The following SCUBE1 variants were observed in gnomAD, a reference collection of about 807,000 sequenced individuals.
SCUBE1 encodes signal peptide, CUB and EGF-like domain-containing protein 1.
Under a neutral mutation model 124.4 loss-of-function variants are expected in SCUBE1, and 59 were observed. The ratio of observed to expected loss-of-function variants is 0.47; its 90% CI spans 0.38 to 0.59. The LOEUF (loss-of-function observed/expected upper bound fraction) is 0.59, where lower values mean the gene tolerates loss of function less well. Ranked by LOEUF, SCUBE1 falls within the 20% of genes least tolerant of loss-of-function variation. The pLI is 0.00. For synonymous variants in SCUBE1, 545 were observed against 550.9 expected, an observed-to-expected ratio of 0.99 and a Z score of 0.15; for missense variants, 1,150 against 1,371.2, an observed-to-expected ratio of 0.84 and a Z score of 2.55.
At chr22:43,291,755 C>T (rs369120681) in intron 3 of SCUBE1, among the ~76,000 whole-genome samples, 17 of 152,332 alleles carry the variant, frequency 1.1e-4, no homozygotes, top group African/African-American at 4.1e-4. Flanking sequence ...TCCAACTCAA[C>T]AGTGCTGTCT....
At chr22:43,338,405 T>A (rs73426203) in intron 2 of SCUBE1, among the ~76,000 whole-genome samples, 8,929 of 152,266 alleles carry the variant, frequency 0.059, 755 homozygotes, top group African/African-American at 0.19. Flanking sequence ...GTTTTGAACT[T>A]GACGTTAGGG....
chr22:43,308,211 A>G (rs1304348117), intron 3 of SCUBE1, among the ~76,000 whole-genome samples: 2 of 152,222 alleles, frequency 1.3e-5, no homozygotes, highest in Non-Finnish European at 2.9e-5. Context: ...AATTTCTTTC[A>G]GATTAACAGC....
intron 3 of SCUBE1, among the ~76,000 whole-genome samples, chr22:43,309,873 T>C (rs1926109003): frequency 6.6e-6 from 1 of 152,148 alleles, no homozygotes; most frequent in Non-Finnish European, 1.5e-5. Flanking sequence ...AAATACACTG[T>C]GAGTTCAACG....
Position 43,221,219 on chromosome 22 carries a change from G to A in SCUBE1, c.1503C>T (p.Pro501=). 2 of 1,611,656 alleles carry A rather than the reference G, an allele frequency of 1.2e-6. No homozygotes were observed. The highest frequency in any genetic ancestry group is 1.7e-6 in the Non-Finnish European group (2 of 1,179,972). Residue 501 remains proline, a synonymous_variant, in exon 13 of 22, where the codon CCC becomes CCT. Coordinates refer to ENST00000360835, the MANE Select transcript of SCUBE1 (RefSeq NM_173050.5). ...KIRDAKCHLR[P]HSQARAKETA... is the part of the protein sequence containing the mutation. ...TCTCCTTTGCTCGTGCCTGGCTGTG[G>A]GGCCGGAGGTGGCACTTGGCATCTC...
At chr22:43,227,275 A>T in intron 10 of SCUBE1, 99 bp downstream of exon 10, 1 of 1,346,290 alleles carries the variant, frequency 7.4e-7, no homozygotes, top group Non-Finnish European at 1.0e-6. Flanking sequence ...GAGGAAAGGG[A>T]GGGGCTGTCC....
chr22:43,338,266 G>C (rs1276485604), intron 2 of SCUBE1, among the ~76,000 whole-genome samples: 1 of 152,190 alleles, frequency 6.6e-6, no homozygotes, highest in Non-Finnish European at 1.5e-5. Flanking sequence ...CTGCTGGGGA[G>C]GCAGTTTTTA....
intron 3 of SCUBE1, among the ~76,000 whole-genome samples, chr22:43,300,013 G>C (rs1350457355): frequency 6.6e-6 from 1 of 152,216 alleles, no homozygotes; most frequent in Non-Finnish European, 1.5e-5. Context: ...CACATTTCAT[G>C]TATCTCTTCG....
intron 2 of SCUBE1, among the ~76,000 whole-genome samples, chr22:43,329,956 C>T (rs1413691025): frequency 1.3e-5 from 2 of 151,888 alleles, no homozygotes; most frequent in Non-Finnish European, 2.9e-5. Flanking sequence ...GCGAGAGGGC[C>T]CAGAGGAAGG....
chr22:43,222,279 G>A (rs931425256), intron 12 of SCUBE1, among the ~76,000 whole-genome samples: 2 of 152,176 alleles, frequency 1.3e-5, no homozygotes, highest in African/African-American at 2.4e-5. Flanking sequence ...GCTCTGCACG[G>A]CCAGGCCAGC....
intron 5 of SCUBE1, among the ~76,000 whole-genome samples, chr22:43,260,815 G>A (rs1044262344): frequency 6.6e-6 from 1 of 152,172 alleles, no homozygotes; most frequent in Non-Finnish European, 1.5e-5. Flanking sequence ...GGGCAGCTGG[G>A]GTGAGGGTTG....
intron 1 of SCUBE1, among the ~76,000 whole-genome samples, chr22:43,340,237 A>G (rs1014052151): frequency 6.6e-6 from 1 of 151,962 alleles, no homozygotes; most frequent in Non-Finnish European, 1.5e-5. Context: ...ACCTGAGCCC[A>G]TCCATGGTTC....
At chr22:43,242,943 T>C (rs796746313) in intron 6 of SCUBE1, among the ~76,000 whole-genome samples, 41 of 152,290 alleles carry the variant, frequency 2.7e-4, no homozygotes, top group African/African-American at 7.9e-4. Context: ...AGAACTTACA[T>C]TGCCTGTCCA....
At chr22:43,262,683 C>A (rs756346610) in intron 5 of SCUBE1, 37 bp downstream of exon 5, 33 of 1,608,548 alleles carry the variant, frequency 2.1e-5, no homozygotes, top group South Asian at 3.3e-5. Context: ...GCAGGAGACG[C>A]ACGGGACGTT....
At position 43,300,093 on chromosome 22, in the gene SCUBE1, T is replaced by C. The variant is rs142961383; in HGVS notation, c.350-8913A>G. Among the ~76,000 whole-genome samples the C allele has an allele frequency of 5.1e-3, 769 of 152,258 alleles. 3 individuals are homozygous for C. Among genetic ancestry groups the C allele is most frequent in the Non-Finnish European group, 7.2e-3 (492 of 68,018 alleles). On this transcript the variant is annotated intron_variant, in intron 3 of 21. Coordinates refer to ENST00000360835, the MANE Select transcript of SCUBE1 (RefSeq NM_173050.5). ...GAACGGTGCTGCTGAACACTGTGTGTAAGTTTTCGTGGGGGTATACGCCTT... is the reference window on the plus strand; with the variant it reads ...GAACGGTGCTGCTGAACACTGTGTGCAAGTTTTCGTGGGGGTATACGCCTT...
intron 6 of SCUBE1, among the ~76,000 whole-genome samples, chr22:43,248,689 G>A (rs1028050701): frequency 3.9e-5 from 6 of 152,230 alleles, no homozygotes; most frequent in Non-Finnish European, 7.3e-5. Flanking sequence ...GCTTGCCCCC[G>A]CTTTCCTTCA....
At position 43,214,141 on chromosome 22, in the gene SCUBE1, T is replaced by C. The variant is rs145901798; in HGVS notation, c.2002A>G (p.Ser668Gly). The change falls in exon 16 of 22, where the codon AGC (serine) becomes GGC (glycine). Residue 668 changes from serine (S) to glycine (G), a missense_variant. Ser to Gly is a moderately conservative substitution (Grantham distance 56). Around this residue, in one of 3 missense-constraint regions of SCUBE1, gnomAD observed 757 missense variants for 840.9 expected, o/e 0.90. Transcript: ENST00000360835. Reference protein sequence around the residue: ...EGQLSCTPCPSSDGLGLPGAR... With the variant: ...EGQLSCTPCPGSDGLGLPGAR... ...CCAGGCAGACCAAGCCCGTCGCTGCTGGGGCACGGTGTGCAACTGAGCTGG... is the reference window on the plus strand; with the variant it reads ...CCAGGCAGACCAAGCCCGTCGCTGCCGGGGCACGGTGTGCAACTGAGCTGG... 19 of 1,520,932 alleles carry C rather than the reference T, an allele frequency of 1.2e-5. No individual in the cohort carries two copies. In the East Asian group the frequency reaches 5.3e-4, roughly 42 times the overall value. The allele number at this position is 1,520,932 out of a possible 1,614,324, so 94.2% of individuals were successfully genotyped here.
At chr22:43,288,345 C>T (rs749779326) in intron 4 of SCUBE1, among the ~76,000 whole-genome samples, 5 of 152,098 alleles carry the variant, frequency 3.3e-5, no homozygotes, top group African/African-American at 4.8e-5. Flanking sequence ...GAAGTGCTGG[C>T]GTTCTCCCAG....
chr22:43,268,042 A>AC (rs1179774767), intron 4 of SCUBE1, among the ~76,000 whole-genome samples: 4 of 151,244 alleles, frequency 2.6e-5, no homozygotes, highest in Admixed American at 2.0e-4. Context: ...GCTTGGAAGG[A>AC]CCCCCCGGGC....
rs116600414 is a variant in SCUBE1 at position 43,198,355 on chromosome 22, C to G, written c.*5642G>C. ...CATCGCAGCAGATGCTGGGAGGGCA[C>G]GCAGGCCATGCCTGTGTTGTCTGGG... On this transcript the variant is annotated 3_prime_UTR_variant, in exon 22 of 22. Transcript: ENST00000360835. 15,137 of 361,238 alleles carry G rather than the reference C, an allele frequency of 0.042. 493 individuals are homozygous for G. The highest frequency in any genetic ancestry group is 0.093 in the South Asian group (4,540 of 48,610). The allele number at this position is 361,238 out of a possible 1,614,324, so 22.4% of individuals were successfully genotyped here. A position where few individuals can be genotyped will look rare whatever the true frequency, so the allele number is the denominator to read the frequency against.
Sources: gnomAD v4.1 joint callset for allele counts (sites outside exome capture counted in the v4.1 genomes callset) on GRCh38, gnomAD v4.1.1 for gene constraint, gnomAD v4.1.1 regional missense constraint, MANE v1.5 for transcripts, NCBI Gene and HGNC (gene_info 2026-07-23, HGNC 2026-07-21) for gene names.